Variants in FUT8 observed in about 807,000 individuals in gnomAD.
The protein encoded by FUT8 is fucosyltransferase 8, also known as alpha-(1,6)-fucosyltransferase.
A neutral mutation model predicts 71.3 loss-of-function variants in FUT8; 29 were observed. The observed-to-expected ratio is 0.41, with a 90% CI of 0.30 to 0.55. The LOEUF (loss-of-function observed/expected upper bound fraction) is 0.55, where lower values mean the gene tolerates loss of function less well. Ranked by LOEUF, FUT8 falls within the 20% of genes least tolerant of loss-of-function variation. The pLI is 0.34. For missense variants in FUT8, 544 were observed against 702.1 expected (o/e 0.77, Z 2.55); for synonymous variants, 254 against 239.3 (o/e 1.06, Z -0.57).
intron 2 of FUT8, among the ~76,000 whole-genome samples, chr14:65,459,626 T>G (rs1342464385): frequency 6.6e-6 from 1 of 152,156 alleles, no homozygotes; most frequent in Admixed American, 6.5e-5. Context: ...AAATGAACCC[T>G]ACACTGCAAT....
At chr14:65,359,712 T>A in the FUT8 span, among the ~76,000 whole-genome samples, 4 of 152,258 alleles carry the variant, frequency 2.6e-5, no homozygotes, top group Non-Finnish European at 5.9e-5. Flanking sequence ...TGGAACACAT[T>A]TTATTTATCC....
At chr14:65,727,233 T>C (rs1404971857) in intron 9 of FUT8, among the ~76,000 whole-genome samples, 1 of 152,144 alleles carries the variant, frequency 6.6e-6, no homozygotes, top group Non-Finnish European at 1.5e-5. Flanking sequence ...CTAGGCGGTG[T>C]CCCAGTAGGG....
intron 6 of FUT8, among the ~76,000 whole-genome samples, chr14:65,630,500 G>A (rs1040161749): frequency 6.6e-6 from 1 of 152,192 alleles, no homozygotes; most frequent in African/African-American, 2.4e-5. Flanking sequence ...AAAGTGGTAT[G>A]AGAGTGGTAC....
At chr14:65,559,989 T>G (rs554904086) in intron 2 of FUT8, among the ~76,000 whole-genome samples, 8 of 152,320 alleles carry the variant, frequency 5.3e-5, no homozygotes, top group African/African-American at 1.9e-4. Flanking sequence ...TTAGCCAGTG[T>G]AAATCAGTAA....
intron 5 of FUT8, among the ~76,000 whole-genome samples, chr14:65,618,768 T>C (rs938268755): frequency 6.6e-6 from 1 of 152,184 alleles, no homozygotes; most frequent in Non-Finnish European, 1.5e-5. Flanking sequence ...TTACATTGGC[T>C]CAAATGATAG....
intron 2 of FUT8, among the ~76,000 whole-genome samples, chr14:65,501,357 A>G (rs997032065): frequency 1.3e-5 from 2 of 152,216 alleles, no homozygotes; most frequent in Admixed American, 6.5e-5. Context: ...GCCACTATTC[A>G]TATGGTTGAG....
intron 6 of FUT8, among the ~76,000 whole-genome samples, chr14:65,648,518 C>A (rs919290948): frequency 6.6e-6 from 1 of 152,144 alleles, no homozygotes; most frequent in Non-Finnish European, 1.5e-5. Flanking sequence ...CAGGAATATA[C>A]CCCTTGCTAT....
chr14:65,691,433 A>G (rs1448832473), intron 7 of FUT8, among the ~76,000 whole-genome samples: 1 of 146,424 alleles, frequency 6.8e-6, no homozygotes, highest in Non-Finnish European at 1.5e-5. Flanking sequence ...TTAATCATGA[A>G]TAGGTGTTGG....
chr14:65,373,911 G>T, the FUT8 span, among the ~76,000 whole-genome samples: 1 of 152,192 alleles, frequency 6.6e-6, no homozygotes, highest in African/African-American at 2.4e-5. Flanking sequence ...CTGCAGGAGT[G>T]GGGCACGGAC....
intron 9 of FUT8, among the ~76,000 whole-genome samples, chr14:65,729,736 A>T (rs1428289179): frequency 6.6e-6 from 1 of 152,148 alleles, no homozygotes; most frequent in Admixed American, 6.5e-5. Context: ...TTTATACCAA[A>T]CAACCCTTAT....
chr14:65,730,320 T>C (rs1486403525), intron 9 of FUT8, among the ~76,000 whole-genome samples: 1 of 152,186 alleles, frequency 6.6e-6, no homozygotes, highest in African/African-American at 2.4e-5. Context: ...ATAGCTTCTG[T>C]GTGAAGATGA....
At chr14:65,698,705 T>C (rs976357967) in intron 7 of FUT8, among the ~76,000 whole-genome samples, 22 of 152,204 alleles carry the variant, frequency 1.4e-4, no homozygotes, top group Admixed American at 4.6e-4. Flanking sequence ...GGCTCATCTA[T>C]TGTCTAGGTA....
At chr14:65,670,972 A>G (rs934684499) in intron 7 of FUT8, among the ~76,000 whole-genome samples, 2 of 152,202 alleles carry the variant, frequency 1.3e-5, no homozygotes, top group African/African-American at 2.4e-5. Flanking sequence ...TTTTAAGGTT[A>G]TATCTTCCAC....
the FUT8 span, among the ~76,000 whole-genome samples, chr14:65,387,608 C>T: frequency 6.7e-3 from 1,013 of 152,270 alleles, 10 homozygotes; most frequent in African/African-American, 0.023. Flanking sequence ...TTCAGGACTC[C>T]GCCTCTCTGA....
chr14:65,536,228 T>C (rs1487566256), intron 2 of FUT8, among the ~76,000 whole-genome samples: 1 of 152,186 alleles, frequency 6.6e-6, no homozygotes, highest in Non-Finnish European at 1.5e-5. Context: ...TGCCTTTTAA[T>C]TGGGGGCATT....
the FUT8 span, among the ~76,000 whole-genome samples, chr14:65,398,187 G>T: frequency 6.6e-6 from 1 of 152,064 alleles, no homozygotes; most frequent in African/African-American, 2.4e-5. Flanking sequence ...TTGAGACAGG[G>T]TCTCATTCTG....
chr14:65,524,124 T>C lies in FUT8; in HGVS notation c.-227-37213T>C, dbSNP rs1301381096. On this transcript the variant is annotated intron_variant, in intron 2 of 10. Transcript: ENST00000673929. Reference sequence around the variant, plus strand: ...ATTCTGTGAAGAAAGTCATTCGTAGTTTGATGGGGATGGCATTGAATCTAT... The same window carrying C: ...ATTCTGTGAAGAAAGTCATTCGTAGCTTGATGGGGATGGCATTGAATCTAT... Among the ~76,000 whole-genome samples, 7 of 152,290 alleles carry C rather than the reference T, an allele frequency of 4.6e-5. No individual in the cohort carries two copies. The East Asian group carries it at 7.7e-4, about 17-fold the overall frequency.
intron 2 of FUT8, among the ~76,000 whole-genome samples, chr14:65,560,418 A>G (rs1024973055): frequency 1.3e-5 from 2 of 152,074 alleles, no homozygotes; most frequent in Non-Finnish European, 2.9e-5. Context: ...GGTTCAAGCA[A>G]TTCTCCCGCC....
intron 2 of FUT8, among the ~76,000 whole-genome samples, chr14:65,503,989 C>A (rs2066686692): frequency 6.6e-6 from 1 of 152,082 alleles, no homozygotes; most frequent in Non-Finnish European, 1.5e-5. Flanking sequence ...TTTAATTTGC[C>A]AAGCTTGGCT....
Sources: allele counts gnomAD v4.1 joint callset (sites outside exome capture counted in the v4.1 genomes callset), GRCh38; gene constraint gnomAD v4.1.1; transcripts MANE v1.5; gene names NCBI Gene and HGNC (gene_info 2026-07-23, HGNC 2026-07-21).